The following CHST8 variants were observed in gnomAD, a reference collection of about 807,000 sequenced individuals.
The protein encoded by CHST8 is GALNAC-4-ST1.
CHST8 carries 10 observed loss-of-function variants against 15.0 expected under a neutral mutation model. That is an observed-to-expected ratio of 0.67 (90% confidence interval 0.41 to 1.13). The LOEUF (loss-of-function observed/expected upper bound fraction) is 1.13. Among genes scored for constraint, CHST8 ranks in the 50% most tolerant of loss-of-function variants. The probability of loss-of-function intolerance (pLI) is 0.00; values close to 1 mark genes in which losing one functional copy is unlikely to be tolerated. For synonymous variants in CHST8, 259 were observed against 256.6 expected (o/e 1.01, Z -0.09); for missense variants, 634 against 608.2 (o/e 1.04, Z -0.45).
intron 3 of CHST8, among the ~76,000 whole-genome samples, chr19:33,691,343 G>A (rs950847920): frequency 2.0e-5 from 3 of 152,222 alleles, no homozygotes; most frequent in Non-Finnish European, 4.4e-5. Flanking sequence ...GATGGTCCAT[G>A]CAGCCAGACC....
At chr19:33,642,979 A>G (rs901886114) in intron 1 of CHST8, among the ~76,000 whole-genome samples, 2 of 152,184 alleles carry the variant, frequency 1.3e-5, no homozygotes, top group Admixed American at 6.5e-5. Flanking sequence ...AATTTATCAT[A>G]ATTTATAGAA....
At chr19:33,765,855 C>T (rs537217644) in intron 3 of CHST8, among the ~76,000 whole-genome samples, 13 of 152,218 alleles carry the variant, frequency 8.5e-5, no homozygotes, top group Admixed American at 2.0e-4. Flanking sequence ...CCACCACGCC[C>T]GGCCAGGAAG....
At chr19:33,660,908 G>A (rs1279705096) in intron 1 of CHST8, among the ~76,000 whole-genome samples, 3 of 152,308 alleles carry the variant, frequency 2.0e-5, no homozygotes, top group South Asian at 2.1e-4. Context: ...TCAAGGGTGT[G>A]TGAAGCCAAA....
At position 33,744,971 on chromosome 19, in the gene CHST8, A is replaced by G. The variant is rs1218586101; in HGVS notation, c.131-26442A>G. On this transcript the variant is annotated intron_variant, in intron 3 of 4. Transcript: ENST00000650847. Reference sequence around the variant, plus strand: ...ACCGTGTTGGCCAGGGTGGTCTCGAACTCCTGACCTTGTGATCCACCCACC... The same window carrying G: ...ACCGTGTTGGCCAGGGTGGTCTCGAGCTCCTGACCTTGTGATCCACCCACC... Among the ~76,000 whole-genome samples the G allele has an allele frequency of 4.0e-5, 6 of 151,748 alleles. No individual in the cohort carries two copies. The South Asian group carries it at 6.2e-4, about 16-fold the overall frequency.
chr19:33,634,432 GAA>G (rs1168994122), intron 1 of CHST8, among the ~76,000 whole-genome samples: 3 of 152,120 alleles, frequency 2.0e-5, no homozygotes, highest in African/African-American at 7.2e-5. Context: ...CCACATTGTG[GAA>G]ACGTCTGGCA....
rs1191489123 is a variant in CHST8 at position 33,643,238 on chromosome 19, C to T, written c.-164+20942C>T. 2.6e-5 allele frequency among the ~76,000 whole-genome samples: 4 copies of T among 152,090 alleles called. No individual in the cohort carries two copies. In the South Asian group the frequency reaches 8.3e-4, roughly 31 times the overall value. On this transcript the variant is annotated intron_variant, in intron 1 of 4. Transcript: ENST00000650847. The stretch of plus-strand genomic sequence containing the variant: ...TCATAATCACAACCGCACTGGGAAT[C>T]TTTGTTTTTTATTTTTTAAATCTGT...
At chr19:33,736,674 G>A (rs533251738) in intron 3 of CHST8, among the ~76,000 whole-genome samples, 1 of 152,258 alleles carries the variant, frequency 6.6e-6, no homozygotes, top group Non-Finnish European at 1.5e-5. Flanking sequence ...GTTCTGTTAA[G>A]ATGTCCTTTC....
intron 1 of CHST8, among the ~76,000 whole-genome samples, chr19:33,641,489 T>C (rs1225134937): frequency 2.6e-5 from 4 of 152,118 alleles, no homozygotes; most frequent in East Asian, 1.9e-4. Flanking sequence ...CAGCTTGCGG[T>C]GAGGAGTTTT....
intron 3 of CHST8, among the ~76,000 whole-genome samples, chr19:33,755,864 A>T (rs923582564): frequency 2.0e-5 from 3 of 152,230 alleles, no homozygotes; most frequent in Non-Finnish European, 2.9e-5. Context: ...ACATGGGAGC[A>T]CATTCCGTTT....
At chr19:33,640,311 G>C (rs921386958) in intron 1 of CHST8, among the ~76,000 whole-genome samples, 3 of 152,218 alleles carry the variant, frequency 2.0e-5, no homozygotes, top group Non-Finnish European at 4.4e-5. Flanking sequence ...TTTCTGTCCA[G>C]AACCTAGCGT....
intron 2 of CHST8, among the ~76,000 whole-genome samples, chr19:33,679,519 G>A (rs1436978761): frequency 8.5e-5 from 13 of 152,208 alleles, no homozygotes; most frequent in Admixed American, 8.5e-4. Flanking sequence ...TCTGTTGCAG[G>A]GACATTAGCA....
At chr19:33,757,394 GAAAGAAAGAAA>G (rs1974570977) in intron 3 of CHST8, among the ~76,000 whole-genome samples, 2 of 4,938 alleles carry the variant, frequency 4.1e-4, no homozygotes, top group African/African-American at 9.9e-4. Context: ...AAAGAAGAAA[GAAAGAAAGAAA>G]GAAAGAAAGA....
Position 33,772,223 on chromosome 19 carries a change from C to G in CHST8, c.435C>G (p.Arg145=), listed in dbSNP as rs759595837. The change falls in exon 5 of 5, where the codon CGC becomes CGG. Residue 145 remains arginine (R), a synonymous_variant. Coordinates refer to ENST00000650847, the MANE Select transcript of CHST8 (RefSeq NM_001127895.2). ...CGGGACCCGGGACGCTGGATGGCCG[C>G]TGGGTCAGCCTGCACCGGAGCCAGC... ...IRPGPGTLDG[R]WVSLHRSQQE... 10 of 1,596,276 alleles carry G rather than the reference C, an allele frequency of 6.3e-6. No individual in the cohort carries two copies. In the East Asian group the frequency reaches 6.7e-5, roughly 11 times the overall value.
chr19:33,707,524 A>G (rs1973470336), intron 3 of CHST8, among the ~76,000 whole-genome samples: 1 of 152,162 alleles, frequency 6.6e-6, no homozygotes, highest in African/African-American at 2.4e-5. Flanking sequence ...GTGGTCTATC[A>G]TATCTGGTTT....
At chr19:33,757,446 GAAAGAAAGAAAGAAAGAAA>G (rs1974583874) in intron 3 of CHST8, among the ~76,000 whole-genome samples, 1 of 27,102 alleles carries the variant, frequency 3.7e-5, no homozygotes, top group South Asian at 1.3e-3. Context: ...AAGAAAGAAA[GAAAGAAAGAAAGAAAGAAA>G]GAAAGAAAGA....
chr19:33,751,728 G>A (rs1298641520), intron 3 of CHST8, among the ~76,000 whole-genome samples: 2 of 152,230 alleles, frequency 1.3e-5, no homozygotes, highest in African/African-American at 2.4e-5. Flanking sequence ...GCAGCAGTGT[G>A]GATGAGGGTG....
In CHST8 at chr19:33,721,208, G is replaced by A. The variant is rs560573712; in HGVS notation, c.130+31817G>A. ...TGGAAACCCTATTGCAGGGTCCTCG[G>A]AGTCAGCATTGGCTCCAGCAGCATG... On this transcript the variant is annotated intron_variant, in intron 3 of 4. Transcript: ENST00000650847. Among the ~76,000 whole-genome samples the A allele has an allele frequency of 2.6e-5, 4 of 152,318 alleles. No homozygotes were observed. The South Asian group carries it at 8.3e-4, about 32-fold the overall frequency.
At chr19:33,684,072 C>A (rs1972933349) in intron 2 of CHST8, among the ~76,000 whole-genome samples, 1 of 152,196 alleles carries the variant, frequency 6.6e-6, no homozygotes, top group African/African-American at 2.4e-5. Context: ...GCTCTCAGGC[C>A]CCCCTCGCTG....
At chr19:33,671,336 C>T (rs16968363) in intron 2 of CHST8, among the ~76,000 whole-genome samples, 15,646 of 152,126 alleles carry the variant, frequency 0.1, 1,568 homozygotes, top group African/African-American at 0.25. Flanking sequence ...CATCCTGGCC[C>T]GAGATTTCTC....
Sources: allele counts gnomAD v4.1 joint callset (sites outside exome capture counted in the v4.1 genomes callset), GRCh38; gene constraint gnomAD v4.1.1; transcripts MANE v1.5; gene names NCBI Gene and HGNC (gene_info 2026-07-23, HGNC 2026-07-21).